The following FNDC1 variants were observed in gnomAD, a reference collection of about 807,000 sequenced individuals.
FNDC1 encodes the protein fibronectin type III domain containing 1, also known as fibronectin type III domain-containing protein 1.
In FNDC1, 96 loss-of-function variants were observed where a neutral mutation model predicts 168.0. The observed-to-expected ratio is 0.57, with a 90% confidence interval of 0.48 to 0.68. The LOEUF is 0.68. Among genes scored for constraint, FNDC1 ranks in the 30% least tolerant of loss-of-function variants. The pLI is 0.00. For missense variants in FNDC1, 2,587 were observed against 2,482.1 expected, an observed-to-expected ratio of 1.04 and a Z score of -0.90; for synonymous variants, 1,099 against 1,025.9, an observed-to-expected ratio of 1.07 and a Z score of -1.36.
chr6:159,180,547 T>C (rs767172721), intron 1 of FNDC1, among the ~76,000 whole-genome samples: 1 of 152,164 alleles, frequency 6.6e-6, no homozygotes, highest in Non-Finnish European at 1.5e-5. Context: ...ATGTGTGCCA[T>C]GGTGGTTTGC....
intron 17 of FNDC1, among the ~76,000 whole-genome samples, chr6:159,253,952 T>C (rs1212283943): frequency 6.6e-6 from 1 of 152,184 alleles, no homozygotes; most frequent in Non-Finnish European, 1.5e-5. Context: ...AGTGGAAGCA[T>C]ATGCAGGGCT....
At chr6:159,201,882 A>G (rs556553620) in intron 4 of FNDC1, among the ~76,000 whole-genome samples, 3 of 152,330 alleles carry the variant, frequency 2.0e-5, no homozygotes, top group Admixed American at 6.5e-5. Flanking sequence ...TTGAATGACA[A>G]TAGCTTTAGA....
chr6:159,228,537 G>A (rs1233885900), intron 9 of FNDC1, among the ~76,000 whole-genome samples: 1 of 133,078 alleles, frequency 7.5e-6, no homozygotes, highest in South Asian at 2.5e-4. Flanking sequence ...AGCATTTTTG[G>A]TTGAAACGTT....
Position 159,266,176 on chromosome 6 carries a change from C to G in FNDC1, c.5377C>G (p.Arg1793Gly), listed in dbSNP as rs763337015. Residue 1793 changes from arginine to glycine, a missense_variant, in exon 21 of 23, where the codon CGA (arginine) becomes GGA (glycine). Coordinates refer to ENST00000297267, the MANE Select transcript of FNDC1 (RefSeq NM_032532.3). ...GCAATATGTGAAGCGCACGTGGTAT[C>G]GAAAGTTCGTGGGAGTTGTTCTTTG... ...GRQYVKRTWY[R>G]KFVGVVLCNS... 1 of 1,613,816 alleles carries G rather than the reference C, an allele frequency of 6.2e-7. No individual in the cohort carries two copies. The highest frequency in any genetic ancestry group is 8.5e-7 in the Non-Finnish European group (1 of 1,179,876).
At chr6:159,197,388 A>G (rs1391128255) in intron 1 of FNDC1, 43 bp from the exon 2 acceptor site, 8 of 1,539,836 alleles carry the variant, frequency 5.2e-6, no homozygotes, top group Non-Finnish European at 6.1e-6. Context: ...TCGTTTTCCC[A>G]ATCTGTTATT....
In FNDC1 at chr6:159,197,429, A is replaced by G; in HGVS notation, c.110-2A>G. On this transcript the variant is annotated splice_acceptor_variant, in intron 1 of 22. Coordinates refer to ENST00000297267, the MANE Select transcript of FNDC1 (RefSeq NM_032532.3). LOFTEE classifies it high-confidence loss of function. ...GAGTTGATAGTTGCGCTGTTTACAT[A>G]GTTGACCACCCACTGAAGCCAAGGC... 3 of 1,608,972 alleles carry G rather than the reference A, an allele frequency of 1.9e-6. No individual in the cohort carries two copies. Among genetic ancestry groups the G allele is most frequent in the Non-Finnish European group, 2.5e-6 (3 of 1,177,886 alleles).
chr6:159,265,831 G>A (rs1170014651), intron 20 of FNDC1, among the ~76,000 whole-genome samples: 1 of 152,146 alleles, frequency 6.6e-6, no homozygotes, highest in African/African-American at 2.4e-5. Context: ...AGGAGGCTGC[G>A]GCAGGATAAT....
intron 1 of FNDC1, among the ~76,000 whole-genome samples, chr6:159,180,144 A>T (rs964899001): frequency 1.3e-5 from 2 of 152,210 alleles, no homozygotes; most frequent in African/African-American, 4.8e-5. Flanking sequence ...AGGGCCAGTC[A>T]TGCTCTCTTG....
chr6:159,176,051 A>T (rs372771173), intron 1 of FNDC1, among the ~76,000 whole-genome samples: 1 of 152,328 alleles, frequency 6.6e-6, no homozygotes, highest in Middle Eastern at 3.4e-3. Flanking sequence ...TGCCATTTAA[A>T]TGCTGGGCTC....
chr6:159,267,586 C>G (rs1221596591), intron 21 of FNDC1, among the ~76,000 whole-genome samples: 1 of 152,098 alleles, frequency 6.6e-6, no homozygotes, highest in African/African-American at 2.4e-5. Context: ...ACTTACTGGA[C>G]ATTCATTAAG....
In FNDC1 at chr6:159,229,734, C is replaced by T. The variant is rs534747334; in HGVS notation, c.1181-81C>T. On this transcript the variant is annotated intron_variant, in intron 9 of 22. Transcript: ENST00000297267. ...AATTTTAGTAATGCACGTTCTAATTCGTCCTGCCCATACAGTCTGTCTGCT... is the reference window on the plus strand; with the variant it reads ...AATTTTAGTAATGCACGTTCTAATTTGTCCTGCCCATACAGTCTGTCTGCT... 11 of 1,249,184 alleles carry T rather than the reference C, an allele frequency of 8.8e-6. No individual in the cohort carries two copies. In the African/African-American group the frequency reaches 9.0e-5, roughly 10 times the overall value. 77.4% of individuals were successfully genotyped at this position (1,249,184 alleles called of 1,614,324 possible). A position where few individuals can be genotyped will look rare whatever the true frequency, so the allele number is the denominator to read the frequency against.
At chr6:159,253,378 G>A (rs115387109) in intron 17 of FNDC1, among the ~76,000 whole-genome samples, 3,163 of 152,238 alleles carry the variant, frequency 0.021, 112 homozygotes, top group African/African-American at 0.073. Context: ...GCAGAACAAC[G>A]AAGCCAAGTG....
intron 19 of FNDC1, among the ~76,000 whole-genome samples, chr6:159,264,620 T>C (rs896107269): frequency 6.6e-6 from 1 of 152,202 alleles, no homozygotes; most frequent in Non-Finnish European, 1.5e-5. Context: ...GTGGAATGGA[T>C]GGATTTTGTA....
intron 16 of FNDC1, 66 bp from the exon 17 acceptor site, chr6:159,251,236 A>G (rs936229302): frequency 1.7e-6 from 2 of 1,204,952 alleles, no homozygotes; most frequent in African/African-American, 1.5e-5. Context: ...TGTGGAACAG[A>G]TGCTATGTTT....
At chr6:159,238,097 CTTTTTT>C (rs61358656) in intron 12 of FNDC1, among the ~76,000 whole-genome samples, 5 of 135,092 alleles carry the variant, frequency 3.7e-5, no homozygotes, top group Admixed American at 1.5e-4. Flanking sequence ...CTGTTTTGTA[CTTTTTT>C]TTTTTTTTTT....
At position 159,232,350 on chromosome 6, in the gene FNDC1, C is replaced by T; in HGVS notation, c.1838C>T (p.Pro613Leu). 6.2e-7 allele frequency: 1 copy of T among 1,613,546 alleles called. No homozygotes were observed. The highest frequency in any genetic ancestry group is 8.5e-7 in the Non-Finnish European group (1 of 1,179,724). Residue 613 changes from proline to leucine, a missense_variant, in exon 11 of 23, where the codon CCC becomes CTC. Pro to Leu is a moderately conservative substitution (Grantham distance 98). Coordinates refer to ENST00000297267, the MANE Select transcript of FNDC1 (RefSeq NM_032532.3). This position sits in a 1 kb window ranked among gnomAD's most constrained non-coding sequence, Gnocchi z 4.9. ...GCCACGCAGCCCCGCCCAGGGGCGC[C>T]CCCCTCGGCTTCGGCCTCTCCTGCC... ...SLATQPRPGAPPSASASPAHH... is the reference protein window; with the variant it reads ...SLATQPRPGALPSASASPAHH...
At chr6:159,225,498 G>A in intron 7 of FNDC1, 37 bp from the exon 8 acceptor site, 1 of 1,544,134 alleles carries the variant, frequency 6.5e-7, no homozygotes, top group South Asian at 1.3e-5. Context: ...GAGTGGCAGA[G>A]AATTTGGACA....
chr6:159,269,419 AT>A (rs1311632178), intron 22 of FNDC1, among the ~76,000 whole-genome samples: 2 of 116,672 alleles, frequency 1.7e-5, no homozygotes, highest in African/African-American at 5.7e-5. Context: ...GTATGTATGT[AT>A]GTATGTAGGT....
rs111697296 is a variant in FNDC1, at chr6:159,205,493, C to T, written c.460+4912C>T. 1.3e-3 allele frequency among the ~76,000 whole-genome samples: 201 copies of T among 152,312 alleles called. 1 individual carries two copies. Among genetic ancestry groups the T allele is most frequent in the African/African-American group, 4.8e-3 (200 of 41,574 alleles). On this transcript the variant is annotated intron_variant, in intron 4 of 22. Coordinates refer to ENST00000297267, the MANE Select transcript of FNDC1 (RefSeq NM_032532.3). ...TAATTAATCCACCAAACCATAATCT[C>T]GACACTGTTCACCTCTGAACACCTG...
Sources: gnomAD v4.1 joint callset for allele counts (sites outside exome capture counted in the v4.1 genomes callset) on GRCh38, gnomAD v4.1.1 for gene constraint, Gnocchi (gnomAD v3.1) non-coding constraint, MANE v1.5 for transcripts, NCBI Gene and HGNC (gene_info 2026-07-23, HGNC 2026-07-21) for gene names.